The following DAAM1 variants were observed in gnomAD, a reference collection of about 807,000 sequenced individuals.
DAAM1 encodes the protein disheveled-associated activator of morphogenesis 1.
In DAAM1, 52 loss-of-function variants were observed where a neutral mutation model predicts 130.0. The observed-to-expected ratio is 0.40, with a 90% CI of 0.32 to 0.50. The LOEUF (loss-of-function observed/expected upper bound fraction) is 0.50, where lower values mean the gene tolerates loss of function less well. Among genes scored for constraint, DAAM1 ranks in the 20% least tolerant of loss-of-function variants. The pLI is 0.61. For synonymous variants in DAAM1, 452 were observed against 444.5 expected (o/e 1.02, Z -0.21); for missense variants, 1,134 against 1,303.8 (o/e 0.87, Z 2.01).
rs1235391191 is a variant in DAAM1, at chr14:59,255,749, A to G, written c.-37-7692A>G. ...TGTGACATGAATTCTATTGTTTCAG[A>G]AATTCCAGAGACCATTTATAGTACC... On this transcript the variant is annotated intron_variant, in intron 1 of 24. Coordinates refer to ENST00000360909, the MANE Select transcript of DAAM1 (RefSeq NM_001270520.2). Among the ~76,000 whole-genome samples, 3 of 152,240 alleles carry G rather than the reference A, an allele frequency of 2.0e-5. No homozygotes were observed. The East Asian group carries it at 5.8e-4, about 29-fold the overall frequency.
Position 59,320,533 on chromosome 14 carries a change from G to C in DAAM1, c.389G>C (p.Arg130Thr), listed in dbSNP as rs1884964124. The change falls in exon 5 of 25, where the codon AGA (arginine) becomes ACA (threonine). Residue 130 changes from arginine to threonine, a missense_variant. Physicochemically the swap from Arg to Thr is moderately conservative, Grantham distance 71. This residue lies in a region of DAAM1 where 391 missense variants were observed against 521.6 expected (regional missense o/e 0.75). Coordinates refer to ENST00000360909, the MANE Select transcript of DAAM1 (RefSeq NM_001270520.2). ...LALEKEEEEE[R>T]SKTIESLKTA... ...TTAGAGAAGGAAGAAGAAGAAGAAAGAAGTAAAACTATAGAGAGTTTAAAG... is the reference window on the plus strand; with the variant it reads ...TTAGAGAAGGAAGAAGAAGAAGAAACAAGTAAAACTATAGAGAGTTTAAAG... The C allele has an allele frequency of 6.2e-7, 1 of 1,606,210 alleles. No individual in the cohort carries two copies. The highest frequency in any genetic ancestry group is 8.5e-7 in the Non-Finnish European group (1 of 1,177,538).
In DAAM1 at chr14:59,369,083, T is replaced by C; in HGVS notation, c.*224T>C. The C allele has an allele frequency of 2.1e-6, 1 of 478,386 alleles. No homozygotes were observed. Among genetic ancestry groups the C allele is most frequent in the Non-Finnish European group, 3.7e-6 (1 of 269,534 alleles). The allele number at this position is 478,386 out of a possible 1,614,324, so 29.6% of individuals were successfully genotyped here. On this transcript the variant is annotated 3_prime_UTR_variant, in exon 25 of 25. Transcript: ENST00000360909. ...CTATACGTATGGTTAAAAAGATTTATGTTAATGTATGTGCTCCAAAACCTT... is the reference window on the plus strand; with the variant it reads ...CTATACGTATGGTTAAAAAGATTTACGTTAATGTATGTGCTCCAAAACCTT...
chr14:59,268,005 C>A (rs1196082715), intron 2 of DAAM1, among the ~76,000 whole-genome samples: 1 of 150,054 alleles, frequency 6.7e-6, no homozygotes, highest in East Asian at 2.0e-4. Context: ...CGGGTTCAAG[C>A]GATTATTTTG....
chr14:59,238,554 C>T (rs998450075), intron 1 of DAAM1, among the ~76,000 whole-genome samples: 4 of 152,072 alleles, frequency 2.6e-5, no homozygotes, highest in Non-Finnish European at 5.9e-5. Context: ...TCCCATAGCA[C>T]TTGTACTTAC....
intron 15 of DAAM1, among the ~76,000 whole-genome samples, chr14:59,333,239 G>T (rs1186478245): frequency 1.3e-5 from 2 of 152,130 alleles, no homozygotes; most frequent in African/African-American, 4.8e-5. Flanking sequence ...AGAGGCGGTT[G>T]CCTGCCATAG....
At chr14:59,311,441 A>G (rs890106210) in intron 3 of DAAM1, among the ~76,000 whole-genome samples, 2 of 152,186 alleles carry the variant, frequency 1.3e-5, no homozygotes, top group African/African-American at 4.8e-5. Flanking sequence ...AACGTCAAAC[A>G]AAGCAAAGCT....
chr14:59,291,565 C>G (rs182882615), intron 3 of DAAM1: 1 of 411,540 alleles, frequency 2.4e-6, no homozygotes, highest in Non-Finnish European at 4.4e-6. Flanking sequence ...CGTTTGCTTA[C>G]ACAAGACAAA....
intron 1 of DAAM1, among the ~76,000 whole-genome samples, chr14:59,189,724 G>T (rs923878089): frequency 1.3e-5 from 2 of 152,194 alleles, no homozygotes; most frequent in African/African-American, 4.8e-5. Flanking sequence ...GAGTGGAGAC[G>T]TGCAGGAGGC....
chr14:59,321,252 A>C (rs1216090863), intron 5 of DAAM1, among the ~76,000 whole-genome samples: 3 of 152,360 alleles, frequency 2.0e-5, no homozygotes, highest in Admixed American at 6.5e-5. Flanking sequence ...AGAAATTCCC[A>C]GAATAGGCCA....
chr14:59,259,204 G>A lies in DAAM1; in HGVS notation c.-37-4237G>A, dbSNP rs112644134. On this transcript the variant is annotated intron_variant, in intron 1 of 24. Transcript: ENST00000360909. ...TGTACCTCTGTGTGCAAAACACTAA[G>A]TGACATGTGCCATGTCACTTTTCCT... Among the ~76,000 whole-genome samples the A allele has an allele frequency of 1.6e-3, 243 of 152,226 alleles. 2 individuals carry two copies. The highest frequency in any genetic ancestry group is 5.4e-3 in the African/African-American group (226 of 41,510).
chr14:59,233,300 A>G (rs1283635695), intron 1 of DAAM1, among the ~76,000 whole-genome samples: 3 of 152,000 alleles, frequency 2.0e-5, no homozygotes, highest in South Asian at 2.1e-4. Context: ...GCCAGCATCT[A>G]TTGTTTCCTG....
intron 6 of DAAM1, 50 bp from the exon 7 acceptor site, chr14:59,324,078 G>T: frequency 2.6e-6 from 3 of 1,157,488 alleles, no homozygotes; most frequent in South Asian, 6.5e-5. Flanking sequence ...TTCATAAAAT[G>T]AGCATAAGGT....
intron 1 of DAAM1, among the ~76,000 whole-genome samples, chr14:59,198,184 C>CTTTCT (rs1251886842): frequency 4.6e-4 from 70 of 150,646 alleles, no homozygotes; most frequent in African/African-American, 9.3e-4. Flanking sequence ...GCTGATTTGC[C>CTTTCT]TTTCTTTTCT....
In DAAM1 at chr14:59,291,273, G is replaced by A. The variant is rs1883730224; in HGVS notation, c.240G>A (p.Glu80=). ...HREAMFALPA[E]KKWQIYCSKK... ...AAGCCATGTTTGCACTTCCAGCTGA[G>A]AAAAAATGGCAAATATACTGTAGCA... Residue 80 remains glutamate (E), a synonymous_variant, in exon 3 of 25, where the codon GAG becomes GAA. Transcript: ENST00000360909. 1 of 1,611,134 alleles carries A rather than the reference G, an allele frequency of 6.2e-7. No homozygotes were observed. Among genetic ancestry groups the A allele is most frequent in the Non-Finnish European group, 8.5e-7 (1 of 1,179,204 alleles).
intron 1 of DAAM1, among the ~76,000 whole-genome samples, chr14:59,194,716 AAAAT>A (rs1200966080): frequency 2.0e-5 from 3 of 152,252 alleles, no homozygotes; most frequent in Non-Finnish European, 4.4e-5. Context: ...CTTAGATATT[AAAAT>A]AAACTTTTTC....
rs1887126100 is a variant in DAAM1, at chr14:59,370,520, G to GAGTT, written c.*1663_*1666dup. On this transcript the variant is annotated 3_prime_UTR_variant, in exon 25 of 25. Coordinates refer to ENST00000360909, the MANE Select transcript of DAAM1 (RefSeq NM_001270520.2). Reference sequence around the variant, plus strand: ...AACTATAATGCTTAGCACAGATGGCGAGTTATCTGTGCTATGTGAAAGCTG... The same window carrying GAGTT: ...AACTATAATGCTTAGCACAGATGGCGAGTTAGTTATCTGTGCTATGTGAAAGCTG... 1 of 152,208 alleles carries GAGTT rather than the reference G, an allele frequency of 6.6e-6. No individual in the cohort carries two copies. Among genetic ancestry groups the GAGTT allele is most frequent in the African/African-American group, 2.4e-5 (1 of 41,560 alleles). 9.4% of individuals were successfully genotyped at this position (152,208 alleles called of 1,614,324 possible). A position where few individuals can be genotyped will look rare whatever the true frequency, so the allele number is the denominator to read the frequency against.
intron 5 of DAAM1, among the ~76,000 whole-genome samples, chr14:59,321,928 T>A (rs1885024226): frequency 6.6e-6 from 1 of 152,212 alleles, no homozygotes; most frequent in Non-Finnish European, 1.5e-5. Context: ...GTGGCTTTAA[T>A]ATGTACATGT....
At chr14:59,347,447 CTTGAAA>C in intron 16 of DAAM1, 86 bp from the exon 17 acceptor site, 1 of 1,215,576 alleles carries the variant, frequency 8.2e-7, no homozygotes, top group Non-Finnish European at 1.2e-6. Flanking sequence ...GAAAAAAGTA[CTTGAAA>C]ATCAGCAGCT....
At position 59,358,079 on chromosome 14, in the gene DAAM1, CCTAATT is replaced by C. The variant is rs151105722; in HGVS notation, c.2526-1313_2526-1308del. ...TTTTAAAGGAATGTATTTTTACCCT[CCTAATT>C]CTAACTTCAACAGATAAGTAGTTCT... On this transcript the variant is annotated intron_variant, in intron 20 of 24. Coordinates refer to ENST00000360909, the MANE Select transcript of DAAM1 (RefSeq NM_001270520.2). Among the ~76,000 whole-genome samples, 1,219 of 152,272 alleles carry C rather than the reference CCTAATT, an allele frequency of 8.0e-3. 13 individuals are homozygous for C. Among genetic ancestry groups the C allele is most frequent in the African/African-American group, 0.028 (1,175 of 41,540 alleles).
Sources: allele counts gnomAD v4.1 joint callset (sites outside exome capture counted in the v4.1 genomes callset), GRCh38; gene constraint gnomAD v4.1.1; regional missense constraint gnomAD v4.1.1; transcripts MANE v1.5; gene names NCBI Gene and HGNC (gene_info 2026-07-23, HGNC 2026-07-21).